The following JPH1 variants were observed in gnomAD, a reference collection of about 807,000 sequenced individuals.
JPH1 encodes the protein junctophilin-1.
Under a neutral mutation model 53.6 loss-of-function variants are expected in JPH1, and 12 were observed. The observed-to-expected ratio is 0.22, with a 90% confidence interval of 0.14 to 0.36. JPH1 has a LOEUF of 0.36. Among genes scored for constraint, JPH1 ranks in the 10% least tolerant of loss-of-function variants. The probability of loss-of-function intolerance (pLI) is 1.00; values close to 1 mark genes in which losing one functional copy is unlikely to be tolerated. For missense variants in JPH1, 808 were observed against 905.5 expected (o/e 0.89, Z 1.38); for synonymous variants, 375 against 363.8 (o/e 1.03, Z -0.35).
intron 2 of JPH1, among the ~76,000 whole-genome samples, chr8:74,300,408 T>TG (rs1463777850): frequency 3.3e-5 from 5 of 152,124 alleles, no homozygotes; most frequent in Non-Finnish European, 7.4e-5. Context: ...GTGTGCGTTG[T>TG]GGGGGGCGGA....
chr8:74,321,031 C>A lies in JPH1; in HGVS notation c.257G>T (p.Trp86Leu). The change falls in exon 1 of 6, where the codon TGG (tryptophan) becomes TTG (leucine). Residue 86 changes from tryptophan (W) to leucine (L), a missense_variant. Trp to Leu is a moderately conservative substitution (Grantham distance 61). Transcript: ENST00000342232. The surrounding 1 kb of genome is among the most constrained non-coding windows in gnomAD (Gnocchi z 4.3). ...TKGKWMYRGE[W>L]SHGFKGRYGV... ...GTAGCGCCCCTTGAAACCATGTGACCACTCCCCCCGGTACATCCACTTGCC... is the reference window on the plus strand; with the variant it reads ...GTAGCGCCCCTTGAAACCATGTGACAACTCCCCCCGGTACATCCACTTGCC... 1 of 1,613,208 alleles carries A rather than the reference C, an allele frequency of 6.2e-7. No individual in the cohort carries two copies.
In JPH1 at chr8:74,320,802, G is replaced by C. The variant is rs867673410; in HGVS notation, c.379+107C>G. 3.6e-5 allele frequency: 47 copies of C among 1,310,340 alleles called. No homozygotes were observed. The highest frequency in any genetic ancestry group is 4.5e-5 in the Non-Finnish European group (45 of 1,009,112). The allele number at this position is 1,310,340 out of a possible 1,614,324, so 81.2% of individuals were successfully genotyped here. ...GGGAGGCGCCCCCAGGTGTTTTGGC[G>C]GGTTTCCGGACACGTGCGCCCGGCG... On this transcript the variant is annotated intron_variant, in intron 1 of 5. Coordinates refer to ENST00000342232, the MANE Select transcript of JPH1 (RefSeq NM_020647.4). The surrounding 1 kb of genome is among the most constrained non-coding windows in gnomAD (Gnocchi z 4.4).
At chr8:74,240,113 AG>A (rs1314866408) in intron 4 of JPH1, among the ~76,000 whole-genome samples, 1 of 152,076 alleles carries the variant, frequency 6.6e-6, no homozygotes, top group African/African-American at 2.4e-5. Context: ...CTGGGACTAC[AG>A]GTGTTCACTA....
intron 1 of JPH1, among the ~76,000 whole-genome samples, chr8:74,316,049 T>G (rs1808148500): frequency 6.6e-6 from 1 of 152,160 alleles, no homozygotes; most frequent in Admixed American, 6.5e-5. Flanking sequence ...TGGAAAACTG[T>G]AAAAAATGAC....
intron 1 of JPH1, among the ~76,000 whole-genome samples, chr8:74,319,402 CTG>C (rs551651024): frequency 9.3e-4 from 142 of 152,312 alleles, no homozygotes; most frequent in Non-Finnish European, 1.8e-3. Flanking sequence ...CAGTCACAAA[CTG>C]ACATATTTAC....
At chr8:74,287,754 T>C (rs1188359726) in intron 2 of JPH1, among the ~76,000 whole-genome samples, 1 of 152,014 alleles carries the variant, frequency 6.6e-6, no homozygotes, top group Non-Finnish European at 1.5e-5. Context: ...CGTCTGACTA[T>C]ACATTTCATT....
intron 2 of JPH1, among the ~76,000 whole-genome samples, chr8:74,304,555 T>A (rs1470674861): frequency 6.6e-6 from 1 of 152,158 alleles, no homozygotes; most frequent in Non-Finnish European, 1.5e-5. Flanking sequence ...TGTCAAAACA[T>A]GTTCCCTACA....
intron 2 of JPH1, among the ~76,000 whole-genome samples, chr8:74,301,429 G>A (rs537375784): frequency 6.6e-6 from 1 of 152,336 alleles, no homozygotes; most frequent in South Asian, 2.1e-4. Context: ...ACAAATGCAA[G>A]TTTCTGGACC....
At chr8:74,305,250 G>T (rs1431198876) in intron 2 of JPH1, among the ~76,000 whole-genome samples, 1 of 152,248 alleles carries the variant, frequency 6.6e-6, no homozygotes, top group Non-Finnish European at 1.5e-5. Flanking sequence ...ATCCATAATG[G>T]AAAGTTGTGA....
intron 1 of JPH1, among the ~76,000 whole-genome samples, chr8:74,316,738 A>G (rs1808170794): frequency 6.6e-6 from 1 of 152,246 alleles, no homozygotes; most frequent in African/African-American, 2.4e-5. Context: ...GAGCATTTGT[A>G]GTGAATTTTT....
chr8:74,270,111 C>T (rs546709291), intron 2 of JPH1, among the ~76,000 whole-genome samples: 5 of 151,810 alleles, frequency 3.3e-5, no homozygotes, highest in Admixed American at 1.3e-4. Context: ...TAACGAGTTT[C>T]GGCTGACCTT....
chr8:74,312,324 T>G (rs1808020801), intron 2 of JPH1, among the ~76,000 whole-genome samples: 1 of 152,174 alleles, frequency 6.6e-6, no homozygotes, highest in Non-Finnish European at 1.5e-5. Context: ...CAATCACAGC[T>G]CACTACAGTC....
intron 2 of JPH1, among the ~76,000 whole-genome samples, chr8:74,292,588 T>G (rs926225866): frequency 1.2e-4 from 18 of 152,112 alleles, no homozygotes; most frequent in Admixed American, 3.3e-4. Context: ...ACAGACACAC[T>G]TACAAACGGG....
rs747533041 is a variant in JPH1 at position 74,321,336 on chromosome 8, G to A, written c.-49C>T. ...CCCCGCAGGGGCACGGACGCGGGCA[G>A]TGCTGGGCACGGCAGGGTGTAGCTC... On this transcript the variant is annotated 5_prime_UTR_variant, in exon 1 of 6. Transcript: ENST00000342232. This position sits in a 1 kb window ranked among gnomAD's most constrained non-coding sequence, Gnocchi z 4.3. 1.4e-6 allele frequency: 2 copies of A among 1,466,242 alleles called. No individual in the cohort carries two copies. Among genetic ancestry groups the A allele is most frequent in the Admixed American group, 2.4e-5 (1 of 41,044 alleles). 90.8% of individuals were successfully genotyped at this position (1,466,242 alleles called of 1,614,324 possible).
intron 2 of JPH1, among the ~76,000 whole-genome samples, chr8:74,283,085 A>G (rs1292848325): frequency 1.3e-5 from 2 of 152,170 alleles, no homozygotes; most frequent in African/African-American, 4.8e-5. Context: ...GTTAGGGGTT[A>G]TTAGGGGAGC....
chr8:74,276,145 C>T (rs1392575387), intron 2 of JPH1, among the ~76,000 whole-genome samples: 1 of 151,884 alleles, frequency 6.6e-6, no homozygotes, highest in African/African-American at 2.4e-5. Flanking sequence ...TTTAAGGAGG[C>T]CAGGAGAGAA....
chr8:74,295,307 A>G (rs1213269840), intron 2 of JPH1, among the ~76,000 whole-genome samples: 6 of 152,106 alleles, frequency 3.9e-5, no homozygotes, highest in Non-Finnish European at 5.9e-5. Flanking sequence ...GTGTGTGTGT[A>G]TATAGTTCTA....
chr8:74,299,086 CA>C (rs1807601518), intron 2 of JPH1, among the ~76,000 whole-genome samples: 1 of 152,160 alleles, frequency 6.6e-6, no homozygotes, highest in Non-Finnish European at 1.5e-5. Context: ...GGCTGTACAT[CA>C]TTAGATGGGG....
At chr8:74,269,716 T>C (rs1327189755) in intron 2 of JPH1, among the ~76,000 whole-genome samples, 2 of 152,192 alleles carry the variant, frequency 1.3e-5, no homozygotes, top group African/African-American at 4.8e-5. Context: ...TTTCCTTCTA[T>C]AGAGACCTGA....
Sources: gnomAD v4.1 joint callset for allele counts (sites outside exome capture counted in the v4.1 genomes callset) on GRCh38, gnomAD v4.1.1 for gene constraint, Gnocchi (gnomAD v3.1) non-coding constraint, MANE v1.5 for transcripts, NCBI Gene and HGNC (gene_info 2026-07-23, HGNC 2026-07-21) for gene names.